Variants in NRXN3 observed in about 807,000 individuals in gnomAD.
NRXN3 encodes the protein neurexin 3, also known as neurexin III.
NRXN3 carries 32 observed loss-of-function variants against 137.6 expected under a neutral mutation model. That is an observed-to-expected ratio of 0.23 (90% CI 0.18 to 0.31). The LOEUF is 0.31. Ranked by LOEUF, NRXN3 falls within the 10% of genes least tolerant of loss-of-function variation. The pLI is 1.00. For synonymous variants in NRXN3, 798 were observed against 784.5 expected (o/e 1.02, Z -0.29); for missense variants, 1,574 against 2,062.5 (o/e 0.76, Z 4.59).
intron 15 of NRXN3, among the ~76,000 whole-genome samples, chr14:79,310,671 A>G (rs1490114746): frequency 3.6e-5 from 1 of 27,718 alleles, no homozygotes; most frequent in Non-Finnish European, 6.3e-5. Context: ...TTGGATTCCT[A>G]GGTATTTTAT....
chr14:79,014,716 T>C (rs2099576413), intron 15 of NRXN3, among the ~76,000 whole-genome samples: 1 of 152,186 alleles, frequency 6.6e-6, no homozygotes, highest in South Asian at 2.1e-4. Context: ...TGTTTGGAGG[T>C]AAGAAAATAC....
chr14:78,352,989 C>A lies in NRXN3; in HGVS notation c.757+55129C>A, dbSNP rs78760976. Among the ~76,000 whole-genome samples the A allele has an allele frequency of 7.6e-3, 1,156 of 152,334 alleles. 14 individuals carry two copies. Among genetic ancestry groups the A allele is most frequent in the African/African-American group, 0.026 (1,090 of 41,572 alleles). ...GAGGATGGGATTGGGCTGGGAATTT[C>A]TGACTCTTCCTTAAGGTCATGAGCA... On this transcript the variant is annotated intron_variant, in intron 4 of 20. Transcript: ENST00000335750.
chr14:79,185,714 C>G (rs531765455), intron 15 of NRXN3, among the ~76,000 whole-genome samples: 1 of 152,310 alleles, frequency 6.6e-6, no homozygotes, highest in Admixed American at 6.5e-5. Context: ...ATCCGCCCAC[C>G]TTGGCCTCCC....
At position 79,130,996 on chromosome 14, in the gene NRXN3, C is replaced by T. The variant is rs541612920; in HGVS notation, c.3262+142855C>T. Among the ~76,000 whole-genome samples, 10 of 152,348 alleles carry T rather than the reference C, an allele frequency of 6.6e-5. No homozygotes were observed. In the South Asian group the frequency reaches 2.1e-3, roughly 32 times the overall value. On this transcript the variant is annotated intron_variant, in intron 15 of 20. Transcript: ENST00000335750. ...CGGCTCCTGAGGCTTCTGCATTCTTCACGTAGTTCTCGAGCCTTGGCTTTC... is the reference window on the plus strand; with the variant it reads ...CGGCTCCTGAGGCTTCTGCATTCTTTACGTAGTTCTCGAGCCTTGGCTTTC...
chr14:79,864,544 C>T lies in NRXN3; in HGVS notation c.*2580C>T, dbSNP rs1482196017. The T allele has an allele frequency of 6.6e-6, 1 of 152,416 alleles. No homozygotes were observed. The highest frequency in any genetic ancestry group is 1.5e-5 in the Non-Finnish European group (1 of 68,024). The allele number at this position is 152,416 out of a possible 1,614,324, so 9.4% of individuals were successfully genotyped here. On this transcript the variant is annotated 3_prime_UTR_variant, in exon 21 of 21. Transcript: ENST00000335750. ...CCACTTTCATGTGATAGAAGATATTCTAAGCAGTTACTAATTATTACATTA... is the reference window on the plus strand; with the variant it reads ...CCACTTTCATGTGATAGAAGATATTTTAAGCAGTTACTAATTATTACATTA...
chr14:79,182,998 G>A (rs4553548), intron 15 of NRXN3, among the ~76,000 whole-genome samples: 5,481 of 152,218 alleles, frequency 0.036, 252 homozygotes, highest in East Asian at 0.22. Flanking sequence ...TCTGGTACAT[G>A]TTAAAGAGAA....
chr14:79,389,672 T>C (rs959223354), intron 15 of NRXN3, among the ~76,000 whole-genome samples: 1 of 152,246 alleles, frequency 6.6e-6, no homozygotes, highest in African/African-American at 2.4e-5. Context: ...TTGTCATACA[T>C]GCTCCTTTTA....
chr14:79,280,614 A>G, intron 15 of NRXN3: 1 of 1,341,250 alleles, frequency 7.5e-7, no homozygotes, highest in Non-Finnish European at 1.0e-6. Context: ...GGTAGTGTCA[A>G]AGGTGGGAAG....
At chr14:79,821,703 T>C (rs1381793033) in intron 20 of NRXN3, among the ~76,000 whole-genome samples, 1 of 148,382 alleles carries the variant, frequency 6.7e-6, no homozygotes, top group Non-Finnish European at 1.5e-5. Flanking sequence ...TTTTTTTCTC[T>C]GATAATCCCA....
chr14:78,295,181 C>T lies in NRXN3; in HGVS notation c.728-2650C>T, dbSNP rs182182843. 3.3e-5 allele frequency among the ~76,000 whole-genome samples: 5 copies of T among 152,268 alleles called. No individual in the cohort carries two copies. The East Asian group carries it at 9.7e-4, about 29-fold the overall frequency. ...TGAAAGTGGAAGATAATTCTTTTCTCAAAAAGCAAAATAAAACAAACCGTA... is the reference window on the plus strand; with the variant it reads ...TGAAAGTGGAAGATAATTCTTTTCTTAAAAAGCAAAATAAAACAAACCGTA... On this transcript the variant is annotated intron_variant, in intron 3 of 20. Coordinates refer to ENST00000335750, the MANE Select transcript of NRXN3 (RefSeq NM_001330195.2).
intron 15 of NRXN3, among the ~76,000 whole-genome samples, chr14:79,036,427 G>T (rs1437232939): frequency 6.6e-6 from 1 of 151,972 alleles, no homozygotes; most frequent in Admixed American, 6.6e-5. Flanking sequence ...GGAGGACATG[G>T]AATGGTATGT....
rs552742877 is a variant in NRXN3 at position 78,567,567 on chromosome 14, G to A, written c.758-77553G>A. 5.3e-5 allele frequency among the ~76,000 whole-genome samples: 8 copies of A among 152,194 alleles called. No homozygotes were observed. In the South Asian group the frequency reaches 1.0e-3, roughly 20 times the overall value. On this transcript the variant is annotated intron_variant, in intron 4 of 20. Transcript: ENST00000335750. ...CCAAGACTCTTGGTTAAAGCTAATG[G>A]GGCTCCCCCAGCCAGTGAGTGTCTC...
chr14:79,444,641 A>G (rs1023743510), intron 15 of NRXN3, among the ~76,000 whole-genome samples: 1 of 152,140 alleles, frequency 6.6e-6, no homozygotes, highest in Non-Finnish European at 1.5e-5. Flanking sequence ...CCTCAGCAAT[A>G]TAGTGAGAAC....
At chr14:78,599,472 G>A (rs907144256) in intron 4 of NRXN3, among the ~76,000 whole-genome samples, 6 of 152,114 alleles carry the variant, frequency 3.9e-5, no homozygotes, top group Non-Finnish European at 7.3e-5. Context: ...TGGTGCCTTC[G>A]AGTGACAATT....
At chr14:79,809,179 C>G (rs1300862545) in intron 20 of NRXN3, among the ~76,000 whole-genome samples, 7 of 152,142 alleles carry the variant, frequency 4.6e-5, no homozygotes, top group Admixed American at 4.6e-4. Flanking sequence ...TAAAATTAAA[C>G]CTATTGACTC....
intron 4 of NRXN3, among the ~76,000 whole-genome samples, chr14:78,350,490 G>A (rs1477632936): frequency 6.6e-6 from 1 of 152,066 alleles, no homozygotes; most frequent in African/African-American, 2.4e-5. Context: ...CAGGGTATGC[G>A]TGGGAGACAG....
At chr14:78,194,141 T>A (rs1369208930) in intron 1 of NRXN3, among the ~76,000 whole-genome samples, 2 of 152,192 alleles carry the variant, frequency 1.3e-5, no homozygotes, top group East Asian at 3.8e-4. Flanking sequence ...TGAAAAGGAT[T>A]TTCTAGATGC....
chr14:78,593,287 A>G (rs954511949), intron 4 of NRXN3, among the ~76,000 whole-genome samples: 1 of 152,164 alleles, frequency 6.6e-6, no homozygotes, highest in East Asian at 1.9e-4. Flanking sequence ...TACCTGGAGG[A>G]AAAACTCTTT....
At chr14:79,550,960 G>C (rs761632487) in intron 16 of NRXN3, among the ~76,000 whole-genome samples, 10 of 152,200 alleles carry the variant, frequency 6.6e-5, no homozygotes, top group Non-Finnish European at 1.5e-4. Flanking sequence ...TTCCTAAAGT[G>C]GAGGTTAATT....
Sources: allele counts gnomAD v4.1 joint callset (sites outside exome capture counted in the v4.1 genomes callset), GRCh38; gene constraint gnomAD v4.1.1; transcripts MANE v1.5; gene names NCBI Gene and HGNC (gene_info 2026-07-23, HGNC 2026-07-21).